Variants in OLFM2 observed in about 807,000 individuals in gnomAD.
OLFM2 encodes the protein olfactomedin 2.
In OLFM2, 20 loss-of-function variants were observed where a neutral mutation model predicts 43.9. The ratio of observed to expected loss-of-function variants is 0.46; its 90% CI spans 0.32 to 0.66. The LOEUF is 0.66. OLFM2 is among the 30% of genes least tolerant of loss of function. The pLI, the probability that OLFM2 is intolerant of heterozygous loss-of-function variation, is 0.04. For missense variants in OLFM2, 416 were observed against 643.6 expected, an observed-to-expected ratio of 0.65 and a Z score of 3.83; for synonymous variants, 268 against 278.6, an observed-to-expected ratio of 0.96 and a Z score of 0.38.
Position 9,857,929 on chromosome 19 carries a change from CAA to C in OLFM2, c.214-70_214-69del. The C allele has an allele frequency of 6.3e-7, 1 of 1,598,208 alleles. No individual in the cohort carries two copies. The highest frequency in any genetic ancestry group is 8.6e-7 in the Non-Finnish European group (1 of 1,168,118). On this transcript the variant is annotated intron_variant, in intron 2 of 5. Transcript: ENST00000264833. This position sits in a 1 kb window ranked among gnomAD's most constrained non-coding sequence, Gnocchi z 5.7. Reference sequence around the variant, plus strand: ...AATCCCAACCCAGAGATGCCACAGACAAGAGCTGGCAGGAACAGAGGCTGTAC... The same window carrying C: ...AATCCCAACCCAGAGATGCCACAGACGAGCTGGCAGGAACAGAGGCTGTAC...
At chr19:9,874,520 G>T (rs1012804714) in intron 1 of OLFM2, among the ~76,000 whole-genome samples, 2 of 151,696 alleles carry the variant, frequency 1.3e-5, no homozygotes, top group South Asian at 4.2e-4. Context: ...TCCCTCTGTC[G>T]CCCAGGCTGG....
At chr19:9,905,263 A>C (rs1021283551) in intron 1 of OLFM2, among the ~76,000 whole-genome samples, 5 of 152,058 alleles carry the variant, frequency 3.3e-5, no homozygotes, top group Non-Finnish European at 5.9e-5. Context: ...TGAGACCATC[A>C]TGGCTAACAC....
chr19:9,934,359 C>G (rs929155616), intron 1 of OLFM2, among the ~76,000 whole-genome samples: 1 of 152,172 alleles, frequency 6.6e-6, no homozygotes, highest in African/African-American at 2.4e-5. Flanking sequence ...TCCTTTAGCC[C>G]CGCCTCCACT....
intron 1 of OLFM2, among the ~76,000 whole-genome samples, chr19:9,870,577 T>C (rs1390357655): frequency 6.6e-6 from 1 of 152,210 alleles, no homozygotes; most frequent in Non-Finnish European, 1.5e-5. Flanking sequence ...CCATCCTCTC[T>C]AATTGTCTTT....
chr19:9,916,151 G>C (rs2046874676), intron 1 of OLFM2, among the ~76,000 whole-genome samples: 1 of 152,158 alleles, frequency 6.6e-6, no homozygotes, highest in Non-Finnish European at 1.5e-5. Flanking sequence ...GAGGCCAGGA[G>C]TTCGAGACCA....
chr19:9,906,031 C>T (rs1008052443), intron 1 of OLFM2, among the ~76,000 whole-genome samples: 1 of 152,144 alleles, frequency 6.6e-6, no homozygotes, highest in African/African-American at 2.4e-5. Context: ...CACGATGGGG[C>T]GTGCTTGCCA....
At chr19:9,915,240 T>TC (rs374157887) in intron 1 of OLFM2, among the ~76,000 whole-genome samples, 74 of 31,160 alleles carry the variant, frequency 2.4e-3, no homozygotes, top group East Asian at 0.014. Context: ...TTTCTCTCTC[T>TC]TTTTTTTTTT....
chr19:9,856,173 A>G lies in OLFM2; in HGVS notation c.687+634T>C, dbSNP rs2046315819. ...CAGTGCAATGGTGCGATCTTGGCTCACTGCAACCTCTGCCTCCAGGGTTCA... is the reference window on the plus strand; with the variant it reads ...CAGTGCAATGGTGCGATCTTGGCTCGCTGCAACCTCTGCCTCCAGGGTTCA... On this transcript the variant is annotated intron_variant, in intron 5 of 5. Coordinates refer to ENST00000264833, the MANE Select transcript of OLFM2 (RefSeq NM_058164.4). The surrounding 1 kb of genome is among the most constrained non-coding windows in gnomAD (Gnocchi z 4.0). 6.6e-6 allele frequency among the ~76,000 whole-genome samples: 1 copy of G among 152,166 alleles called. No individual in the cohort carries two copies. Among genetic ancestry groups the G allele is most frequent in the Non-Finnish European group, 1.5e-5 (1 of 68,026 alleles).
At chr19:9,922,866 G>A (rs1251789099) in intron 1 of OLFM2, among the ~76,000 whole-genome samples, 8 of 149,512 alleles carry the variant, frequency 5.4e-5, no homozygotes, top group Non-Finnish European at 1.0e-4. Flanking sequence ...AGCACAGATC[G>A]TGCCACAGCA....
intron 1 of OLFM2, among the ~76,000 whole-genome samples, chr19:9,871,573 CA>C (rs34941045): frequency 0.092 from 11,176 of 121,334 alleles, 1,147 homozygotes; most frequent in African/African-American, 0.27. Flanking sequence ...ACTCTGCTCT[CA>C]AAAAAAAAAA....
At chr19:9,916,147 A>G (rs1482367281) in intron 1 of OLFM2, among the ~76,000 whole-genome samples, 1 of 152,180 alleles carries the variant, frequency 6.6e-6, no homozygotes, top group East Asian at 1.9e-4. Flanking sequence ...ACTTGAGGCC[A>G]GGAGTTCGAG....
chr19:9,876,758 A>C (rs1405834411), intron 1 of OLFM2, among the ~76,000 whole-genome samples: 2 of 152,176 alleles, frequency 1.3e-5, no homozygotes, highest in African/African-American at 4.8e-5. Flanking sequence ...TAGAGTATAT[A>C]GCTAAGAATA....
intron 1 of OLFM2, among the ~76,000 whole-genome samples, chr19:9,873,021 G>A (rs1355615493): frequency 6.6e-6 from 1 of 152,158 alleles, no homozygotes; most frequent in Non-Finnish European, 1.5e-5. Context: ...TCTCATGGTA[G>A]GTACTAACAC....
chr19:9,888,161 T>C (rs1038478461), intron 1 of OLFM2, among the ~76,000 whole-genome samples: 5 of 152,144 alleles, frequency 3.3e-5, no homozygotes, highest in African/African-American at 1.2e-4. Context: ...TTGCACTGGC[T>C]ATCCCCTCTG....
At chr19:9,891,998 C>T (rs1013428602) in intron 1 of OLFM2, among the ~76,000 whole-genome samples, 1 of 152,114 alleles carries the variant, frequency 6.6e-6, no homozygotes, top group Non-Finnish European at 1.5e-5. Context: ...CACTGTTCTC[C>T]GAGAACACCA....
intron 1 of OLFM2, among the ~76,000 whole-genome samples, chr19:9,919,176 C>CTTTTTT (rs36124685): frequency 9.4e-5 from 14 of 149,174 alleles, no homozygotes; most frequent in East Asian, 3.9e-4. Flanking sequence ...ATTTCTCTCT[C>CTTTTTT]TTTTTTTTGA....
chr19:9,892,969 G>C (rs2046651242), intron 1 of OLFM2, among the ~76,000 whole-genome samples: 1 of 152,064 alleles, frequency 6.6e-6, no homozygotes, highest in South Asian at 2.1e-4. Context: ...CTCAGTACTT[G>C]GGTTTGGCCT....
Position 9,876,872 on chromosome 19 carries a change from T to TTTTA in OLFM2, c.64-16082_64-16079dup, listed in dbSNP as rs542889488. Among the ~76,000 whole-genome samples the TTTTA allele has an allele frequency of 2.2e-4, 34 of 152,308 alleles. No individual in the cohort carries two copies. The South Asian group carries it at 2.3e-3, about 10-fold the overall frequency. Reference sequence around the variant, plus strand: ...ATTCATGTGTTGGAAACGTAATCCATTTTATTTATTTATTTATTTAAAGTG... The same window carrying TTTTA: ...ATTCATGTGTTGGAAACGTAATCCATTTTATTTATTTATTTATTTATTTAAAGTG... On this transcript the variant is annotated intron_variant, in intron 1 of 5. Transcript: ENST00000264833.
chr19:9,884,261 C>T (rs1463211111), intron 1 of OLFM2, among the ~76,000 whole-genome samples: 2 of 121,496 alleles, frequency 1.6e-5, no homozygotes, highest in Admixed American at 9.8e-5. Flanking sequence ...CAGAGTGAGA[C>T]CCTGTCTCAA....
Sources: gnomAD v4.1 joint callset for allele counts (sites outside exome capture counted in the v4.1 genomes callset) on GRCh38, gnomAD v4.1.1 for gene constraint, Gnocchi (gnomAD v3.1) non-coding constraint, MANE v1.5 for transcripts, NCBI Gene and HGNC (gene_info 2026-07-23, HGNC 2026-07-21) for gene names.